SLC35F4: variants seen among roughly 807,000 people sequenced by gnomAD.
The protein encoded by SLC35F4 is solute carrier family 35 member F4, also known as chromosome 14 open reading frame 36.
SLC35F4 carries 24 observed loss-of-function variants against 44.2 expected under a neutral mutation model. The observed-to-expected ratio is 0.54, with a 90% CI of 0.39 to 0.76. SLC35F4 has a LOEUF of 0.76. Among genes scored for constraint, SLC35F4 ranks in the 30% least tolerant of loss-of-function variants. The pLI, the probability that SLC35F4 is intolerant of heterozygous loss-of-function variation, is 0.00. For missense variants in SLC35F4, 562 were observed against 586.1 expected, an observed-to-expected ratio of 0.96 and a Z score of 0.42; for synonymous variants, 238 against 223.6, an observed-to-expected ratio of 1.06 and a Z score of -0.57.
intron 1 of SLC35F4, among the ~76,000 whole-genome samples, chr14:57,814,520 T>C: frequency 6.6e-6 from 1 of 152,358 alleles, no homozygotes; most frequent in South Asian, 2.1e-4. Context: ...CTCTGACGCT[T>C]TCCCTAAATC....
At chr14:57,805,937 T>C (rs1479132616) in intron 1 of SLC35F4, among the ~76,000 whole-genome samples, 1 of 152,204 alleles carries the variant, frequency 6.6e-6, no homozygotes, top group African/African-American at 2.4e-5. Context: ...TGGAATATTC[T>C]CAGAATTGTT....
At chr14:57,845,359 C>T (rs977682004) in intron 1 of SLC35F4, among the ~76,000 whole-genome samples, 1 of 152,194 alleles carries the variant, frequency 6.6e-6, no homozygotes, top group Non-Finnish European at 1.5e-5. Flanking sequence ...ACACCCACTA[C>T]ACAGAGTGGC....
At chr14:57,719,640 CT>C (rs1359106768) in intron 1 of SLC35F4, among the ~76,000 whole-genome samples, 1 of 150,866 alleles carries the variant, frequency 6.6e-6, no homozygotes, top group African/African-American at 2.4e-5. Flanking sequence ...AGAAATGCTA[CT>C]GATTTTTGTA....
At chr14:57,720,966 T>A (rs2076069805) in intron 1 of SLC35F4, among the ~76,000 whole-genome samples, 1 of 114,444 alleles carries the variant, frequency 8.7e-6, no homozygotes, top group Non-Finnish European at 1.8e-5. Context: ...ATTGTGTGAG[T>A]TAATAAACTC....
At chr14:57,921,784 A>G (rs1889448282) in intron 1 of SLC35F4, among the ~76,000 whole-genome samples, 1 of 152,188 alleles carries the variant, frequency 6.6e-6, no homozygotes, top group South Asian at 2.1e-4. Context: ...CTATTTTAGT[A>G]TGACCTCGTC....
chr14:57,574,773 C>G (rs918257735), intron 4 of SLC35F4, among the ~76,000 whole-genome samples: 1 of 152,134 alleles, frequency 6.6e-6, no homozygotes, highest in South Asian at 2.1e-4. Context: ...CTCTGCTTGG[C>G]ACCACTGGTT....
intron 1 of SLC35F4, among the ~76,000 whole-genome samples, chr14:57,750,139 ATTTGTC>A (rs983688908): frequency 9.3e-4 from 141 of 152,224 alleles, no homozygotes; most frequent in African/African-American, 3.4e-3. Context: ...AACATGCGGT[ATTTGTC>A]TTTCAGTGTC....
chr14:57,678,391 CA>C (rs2074771885), intron 1 of SLC35F4, among the ~76,000 whole-genome samples: 1 of 152,006 alleles, frequency 6.6e-6, no homozygotes, highest in Admixed American at 6.6e-5. Flanking sequence ...TGGAAAGGAA[CA>C]ACTGTGCAAG....
At chr14:57,783,492 T>C (rs2140758662) in intron 1 of SLC35F4, among the ~76,000 whole-genome samples, 1 of 152,314 alleles carries the variant, frequency 6.6e-6, no homozygotes, top group Non-Finnish European at 1.5e-5. Context: ...TCTACTGTTT[T>C]GTGCAAATGT....
At chr14:57,802,984 C>A (rs1190949221) in intron 1 of SLC35F4, among the ~76,000 whole-genome samples, 4 of 82,272 alleles carry the variant, frequency 4.9e-5, no homozygotes, top group Non-Finnish European at 8.4e-5. Flanking sequence ...GGCAGAGATA[C>A]CAAAAAAAAA....
chr14:57,716,074 G>A (rs2075932384), intron 1 of SLC35F4, among the ~76,000 whole-genome samples: 1 of 152,196 alleles, frequency 6.6e-6, no homozygotes, highest in African/African-American at 2.4e-5. Flanking sequence ...AGTGAGAGCT[G>A]CAGAAAGTGA....
intron 1 of SLC35F4, among the ~76,000 whole-genome samples, chr14:57,823,148 G>A (rs1191918156): frequency 2.6e-5 from 4 of 151,986 alleles, no homozygotes; most frequent in African/African-American, 4.8e-5. Context: ...CCACAGCCCT[G>A]AGCCCTATGT....
At chr14:57,621,725 C>G (rs1034195318) in intron 1 of SLC35F4, among the ~76,000 whole-genome samples, 19 of 151,858 alleles carry the variant, frequency 1.3e-4, no homozygotes, top group Admixed American at 9.8e-4. Flanking sequence ...TAGAAGGAAA[C>G]CTAGGCATTA....
intron 1 of SLC35F4, among the ~76,000 whole-genome samples, chr14:57,823,398 C>A (rs1883388279): frequency 6.6e-6 from 1 of 152,182 alleles, no homozygotes; most frequent in Non-Finnish European, 1.5e-5. Context: ...GTTTACTTGT[C>A]ATTGTCTGTA....
chr14:57,675,227 A>G (rs1450124635), intron 1 of SLC35F4, among the ~76,000 whole-genome samples: 5 of 152,102 alleles, frequency 3.3e-5, no homozygotes, highest in African/African-American at 1.2e-4. Context: ...TACACTTAAA[A>G]TATGTGCATT....
intron 1 of SLC35F4, among the ~76,000 whole-genome samples, chr14:57,790,604 T>C (rs960973039): frequency 5.3e-5 from 8 of 152,102 alleles, no homozygotes; most frequent in Non-Finnish European, 1.0e-4. Flanking sequence ...CAAGCTACCA[T>C]TGACTTTCTT....
intron 1 of SLC35F4, among the ~76,000 whole-genome samples, chr14:57,950,430 T>A (rs138906947): frequency 1.3e-5 from 2 of 151,738 alleles, no homozygotes; most frequent in African/African-American, 4.8e-5. Context: ...TAAGTCCATA[T>A]CCTGTATTTT....
At chr14:57,667,242 C>T (rs1213640699) in intron 1 of SLC35F4, among the ~76,000 whole-genome samples, 3 of 151,932 alleles carry the variant, frequency 2.0e-5, no homozygotes, top group Non-Finnish European at 2.9e-5. Flanking sequence ...GAGACATGTT[C>T]TGCTGGGTCA....
intron 1 of SLC35F4, among the ~76,000 whole-genome samples, chr14:57,705,659 T>C (rs2075654239): frequency 6.6e-6 from 1 of 151,950 alleles, no homozygotes; most frequent in Non-Finnish European, 1.5e-5. Context: ...TCTTTCCCTC[T>C]GCTTCTTGAG....
Sources: allele counts gnomAD v4.1 joint callset (sites outside exome capture counted in the v4.1 genomes callset), GRCh38; gene constraint gnomAD v4.1.1; transcripts MANE v1.5; gene names NCBI Gene and HGNC (gene_info 2026-07-23, HGNC 2026-07-21).